The following CLIC5 variants were observed in gnomAD, a reference collection of about 807,000 sequenced individuals.
The protein encoded by CLIC5 is CLIC family member 5, also known as chloride intracellular channel protein 5.
CLIC5 carries 20 observed loss-of-function variants against 24.7 expected under a neutral mutation model. That is an observed-to-expected ratio of 0.81 (90% CI 0.57 to 1.18). The LOEUF is 1.18. CLIC5 is among the 50% of genes most tolerant of loss of function. The pLI is 0.00. For missense variants in CLIC5, 341 were observed against 326.1 expected (o/e 1.05, Z -0.35); for synonymous variants, 159 against 135.6 (o/e 1.17, Z -1.20).
chr6:46,013,590 T>A lies in CLIC5; in HGVS notation c.63+1890A>T, dbSNP rs1766880864. Among the ~76,000 whole-genome samples the A allele has an allele frequency of 3.9e-5, 6 of 152,238 alleles. No individual in the cohort carries two copies. In the South Asian group the frequency reaches 1.2e-3, roughly 32 times the overall value. ...TGATTTCCTTTAGGGAAAAAACAAATGACAACACAGTCATTTTAGAATTAT... is the reference window on the plus strand; with the variant it reads ...TGATTTCCTTTAGGGAAAAAACAAAAGACAACACAGTCATTTTAGAATTAT... On this transcript the variant is annotated intron_variant, in intron 1 of 5. Transcript: ENST00000339561.
At chr6:45,999,460 A>G (rs1402061229) in intron 1 of CLIC5, among the ~76,000 whole-genome samples, 5 of 152,208 alleles carry the variant, frequency 3.3e-5, no homozygotes, top group Non-Finnish European at 1.5e-5. Context: ...TATTATATAT[A>G]CACATAAAAT....
chr6:46,122,508 G>A, the CLIC5 span, among the ~76,000 whole-genome samples: 3 of 151,964 alleles, frequency 2.0e-5, no homozygotes, highest in East Asian at 3.9e-4. Flanking sequence ...CCCTAACATC[G>A]CAATTAAAAG....
chr6:46,112,549 A>G, the CLIC5 span, among the ~76,000 whole-genome samples: 1 of 152,194 alleles, frequency 6.6e-6, no homozygotes, highest in Non-Finnish European at 1.5e-5. Flanking sequence ...GTGCATGTTA[A>G]TAAATTTGTA....
chr6:45,917,709 C>T (rs1763084966), intron 4 of CLIC5, among the ~76,000 whole-genome samples: 1 of 152,168 alleles, frequency 6.6e-6, no homozygotes, highest in Non-Finnish European at 1.5e-5. Flanking sequence ...TTCTTTTCCT[C>T]CCACCTGCCA....
intron 1 of CLIC5, among the ~76,000 whole-genome samples, chr6:45,981,602 G>A (rs1328003559): frequency 6.6e-5 from 10 of 152,196 alleles, no homozygotes; most frequent in Admixed American, 6.5e-4. Flanking sequence ...CACCTCTGTG[G>A]GGGCCAGGCC....
chr6:45,888,198 T>A (rs1373577292), intron 6 of CLIC5, among the ~76,000 whole-genome samples: 1 of 152,194 alleles, frequency 6.6e-6, no homozygotes, highest in Non-Finnish European at 1.5e-5. Context: ...AGTGTGTATT[T>A]AAATTTCACA....
chr6:46,129,146 T>C, the CLIC5 span, among the ~76,000 whole-genome samples: 86,526 of 152,102 alleles, frequency 0.57, 24,958 homozygotes, highest in Middle Eastern at 0.76. Flanking sequence ...GAAAATACCT[T>C]CTGGAGCCTG....
In CLIC5 at chr6:45,953,466, A is replaced by G. The variant is rs1764536785; in HGVS notation, c.173+1669T>C. On this transcript the variant is annotated intron_variant, in intron 2 of 5. Transcript: ENST00000339561. ...GCTGAGCCTGGGGCCAGGGACAAGA[A>G]GGAAGAGAGGGCCTGTTTTAGACAG... Among the ~76,000 whole-genome samples the G allele has an allele frequency of 2.0e-5, 3 of 152,120 alleles. No homozygotes were observed. The South Asian group carries it at 6.2e-4, about 32-fold the overall frequency.
intron 1 of CLIC5, among the ~76,000 whole-genome samples, chr6:46,063,389 A>T (rs1220894887): frequency 6.6e-6 from 1 of 152,240 alleles, no homozygotes; most frequent in Admixed American, 6.5e-5. Flanking sequence ...AAAGTATATG[A>T]AATGATGGTT....
At chr6:45,893,992 A>G (rs1762373363), downstream of CLIC5, among the ~76,000 whole-genome samples, 1 of 152,216 alleles carries the variant, frequency 6.6e-6, no homozygotes, top group Non-Finnish European at 1.5e-5. Flanking sequence ...AACTCATCCC[A>G]TGGTGTGGCA....
chr6:46,075,009 A>G (rs1762727857), intron 1 of CLIC5, among the ~76,000 whole-genome samples: 2 of 152,240 alleles, frequency 1.3e-5, no homozygotes, highest in African/African-American at 4.8e-5. Flanking sequence ...ACTATGCTTA[A>G]AATAAAACGT....
chr6:46,075,112 A>G (rs553941922), intron 1 of CLIC5, among the ~76,000 whole-genome samples: 7 of 152,374 alleles, frequency 4.6e-5, no homozygotes, highest in Admixed American at 3.9e-4. Flanking sequence ...ATATTAAGCA[A>G]CTTATAAGCA....
chr6:45,979,065 G>A (rs530471816), intron 1 of CLIC5, among the ~76,000 whole-genome samples: 34 of 152,114 alleles, frequency 2.2e-4, no homozygotes, highest in South Asian at 8.3e-4. Flanking sequence ...CAACAGCCAC[G>A]GACCAGGTTA....
At chr6:46,036,284 C>A (rs1335380600) in intron 1 of CLIC5, among the ~76,000 whole-genome samples, 1 of 148,824 alleles carries the variant, frequency 6.7e-6, no homozygotes, top group Non-Finnish European at 1.5e-5. Context: ...CTTGTCTTGT[C>A]TCCCCACCTA....
At chr6:45,976,008 C>A (rs1461913873) in intron 1 of CLIC5, among the ~76,000 whole-genome samples, 1 of 152,124 alleles carries the variant, frequency 6.6e-6, no homozygotes, top group Non-Finnish European at 1.5e-5. Context: ...GGTTCCTGTG[C>A]TGATGCTCCC....
At chr6:46,087,808 A>T in the CLIC5 span, among the ~76,000 whole-genome samples, 1 of 152,214 alleles carries the variant, frequency 6.6e-6, no homozygotes, top group South Asian at 2.1e-4. Flanking sequence ...CCTCTGAGTC[A>T]GGGTGTTGCA....
At chr6:45,920,690 C>T in intron 4 of CLIC5, 1 of 978,046 alleles carries the variant, frequency 1.0e-6, no homozygotes, top group South Asian at 4.7e-5. Flanking sequence ...CCACAGGCAG[C>T]TAGGACAAGA....
chr6:46,056,774 G>A (rs868537235), intron 1 of CLIC5, among the ~76,000 whole-genome samples: 3 of 152,106 alleles, frequency 2.0e-5, no homozygotes, highest in Non-Finnish European at 2.9e-5. Context: ...AGTGACTATA[G>A]CTATTATCTC....
intron 1 of CLIC5, among the ~76,000 whole-genome samples, chr6:46,011,667 G>C (rs576639448): frequency 6.6e-6 from 1 of 152,272 alleles, no homozygotes; most frequent in Admixed American, 6.5e-5. Flanking sequence ...ACTGGGAGTG[G>C]AGGAAGCAAT....
Sources: allele counts gnomAD v4.1 joint callset (sites outside exome capture counted in the v4.1 genomes callset), GRCh38; gene constraint gnomAD v4.1.1; transcripts MANE v1.5; gene names NCBI Gene and HGNC (gene_info 2026-07-23, HGNC 2026-07-21).